The following PLEKHA5 variants were observed in gnomAD, a reference collection of about 807,000 sequenced individuals.
PLEKHA5 encodes pleckstrin homology domain-containing family A member 5.
PLEKHA5 carries 55 observed loss-of-function variants against 181.9 expected under a neutral mutation model. The ratio of observed to expected loss-of-function variants is 0.30; its 90% CI spans 0.24 to 0.38. PLEKHA5 has a LOEUF of 0.38. PLEKHA5 is among the 10% of genes least tolerant of loss of function. The pLI is 1.00. For synonymous variants in PLEKHA5, 535 were observed against 529.4 expected (o/e 1.01, Z -0.15); for missense variants, 1,432 against 1,549.5 (o/e 0.92, Z 1.27).
intron 2 of PLEKHA5, among the ~76,000 whole-genome samples, chr12:19,131,312 C>T (rs1033851689): frequency 1.3e-5 from 2 of 152,162 alleles, no homozygotes; most frequent in Non-Finnish European, 2.9e-5. Flanking sequence ...ACTGAAGTGA[C>T]TAATGTCTCC....
At chr12:19,168,258 G>C (rs2045013159) in intron 3 of PLEKHA5, among the ~76,000 whole-genome samples, 1 of 152,044 alleles carries the variant, frequency 6.6e-6, no homozygotes, top group Non-Finnish European at 1.5e-5. Flanking sequence ...TATTCTCTTT[G>C]GTGGACTTTA....
At chr12:19,288,329 A>C (rs1437209605) in intron 13 of PLEKHA5, among the ~76,000 whole-genome samples, 4 of 152,244 alleles carry the variant, frequency 2.6e-5, no homozygotes, top group Non-Finnish European at 5.9e-5. Context: ...GTTCGATCAA[A>C]GCAAGTATTT....
chr12:19,269,120 G>A (rs1046678228), intron 8 of PLEKHA5, among the ~76,000 whole-genome samples: 4 of 152,030 alleles, frequency 2.6e-5, no homozygotes, highest in African/African-American at 9.7e-5. Context: ...GGGTGTGGTG[G>A]CTCACACCTG....
At chr12:19,374,885 G>A (rs1240526978) in intron 31 of PLEKHA5, among the ~76,000 whole-genome samples, 1 of 152,008 alleles carries the variant, frequency 6.6e-6, no homozygotes, top group African/African-American at 2.4e-5. Flanking sequence ...AACCCAGGAG[G>A]CAGAGGTTGC....
At chr12:19,322,262 C>A in intron 18 of PLEKHA5, 48 bp from the exon 19 acceptor site, 1 of 1,236,408 alleles carries the variant, frequency 8.1e-7, no homozygotes, top group Non-Finnish European at 1.2e-6. Context: ...CCTCCAATTA[C>A]AGAAAAAATA....
chr12:19,215,235 A>G (rs1291365659), intron 3 of PLEKHA5, among the ~76,000 whole-genome samples: 2 of 152,178 alleles, frequency 1.3e-5, no homozygotes, highest in African/African-American at 4.8e-5. Flanking sequence ...CTTCTTTTGC[A>G]CTACTTGGAA....
intron 3 of PLEKHA5, among the ~76,000 whole-genome samples, chr12:19,136,893 C>A (rs999304014): frequency 6.6e-6 from 1 of 151,846 alleles, no homozygotes; most frequent in African/African-American, 2.4e-5. Flanking sequence ...CCAAACTTAC[C>A]AAAACTAGCG....
intron 3 of PLEKHA5, among the ~76,000 whole-genome samples, chr12:19,215,507 T>C (rs1039626647): frequency 6.6e-6 from 1 of 152,194 alleles, no homozygotes; most frequent in Non-Finnish European, 1.5e-5. Context: ...GTAGTTTGGA[T>C]AACAGCATCC....
intron 3 of PLEKHA5, among the ~76,000 whole-genome samples, chr12:19,213,203 C>T (rs1278464791): frequency 6.6e-6 from 1 of 151,990 alleles, no homozygotes; most frequent in African/African-American, 2.4e-5. Context: ...GGAACGATTT[C>T]TTCTGCCCAA....
At position 19,348,383 on chromosome 12, in the gene PLEKHA5, A is replaced by G. The variant is rs777642663; in HGVS notation, c.2899-16A>G. The G allele has an allele frequency of 6.4e-6, 10 of 1,560,988 alleles. No homozygotes were observed. Among genetic ancestry groups the G allele is most frequent in the Middle Eastern group, 1.7e-4 (1 of 5,972 alleles). On this transcript the variant is annotated splice_polypyrimidine_tract_variant and intron_variant, in intron 24 of 31. Coordinates refer to ENST00000429027, the MANE Select transcript of PLEKHA5 (RefSeq NM_001256470.2). Reference sequence around the variant, plus strand: ...TTTAGCAGTTTTTTAGGGTAATTACATGTCTTCCTTTCAAGGGTCCAGATT... The same window carrying G: ...TTTAGCAGTTTTTTAGGGTAATTACGTGTCTTCCTTTCAAGGGTCCAGATT...
At chr12:19,337,548 C>CAAAAA (rs1157232818) in intron 21 of PLEKHA5, among the ~76,000 whole-genome samples, 4 of 61,676 alleles carry the variant, frequency 6.5e-5, no homozygotes, top group Non-Finnish European at 1.0e-4. Context: ...GACTCTATCT[C>CAAAAA]AAAAAAAAAA....
At chr12:19,353,821 C>A in intron 25 of PLEKHA5, 63 bp from the exon 26 acceptor site, 1 of 787,372 alleles carries the variant, frequency 1.3e-6, no homozygotes, top group Non-Finnish European at 2.2e-6. Context: ...ATTAAGTAAG[C>A]TAAAAGAAAG....
intron 3 of PLEKHA5, among the ~76,000 whole-genome samples, chr12:19,139,819 T>C (rs1591783956): frequency 6.6e-6 from 1 of 152,234 alleles, no homozygotes; most frequent in East Asian, 1.9e-4. Flanking sequence ...ACTGGAAAGA[T>C]GAAGAATAAA....
chr12:19,161,032 T>G lies in PLEKHA5; in HGVS notation c.227+28582T>G, dbSNP rs564456207. On this transcript the variant is annotated intron_variant, in intron 3 of 31. Transcript: ENST00000429027. ...ATAGAAACACTAGTCTTTTAATCTT[T>G]TATTGAAATGTCCAACACTGTTTTG... Among the ~76,000 whole-genome samples the G allele has an allele frequency of 5.3e-5, 8 of 152,334 alleles. No individual in the cohort carries two copies. In the East Asian group the frequency reaches 1.5e-3, roughly 29 times the overall value.
chr12:19,247,316 CTCTTTT>C (rs1300459277), intron 3 of PLEKHA5, among the ~76,000 whole-genome samples: 1 of 152,178 alleles, frequency 6.6e-6, no homozygotes, highest in African/African-American at 2.4e-5. Context: ...CTTTAGCTTT[CTCTTTT>C]TATCTAAGCT....
At position 19,336,581 on chromosome 12, in the gene PLEKHA5, A is replaced by T. The variant is rs150172150; in HGVS notation, c.2515A>T (p.Met839Leu). The T allele has an allele frequency of 6.2e-7, 1 of 1,603,484 alleles. No individual in the cohort carries two copies. The highest frequency in any genetic ancestry group is 1.1e-5 in the South Asian group (1 of 90,594). Reference protein sequence around the residue: ...EYDVTVTRNQMQEQLDHLGEV... With the variant: ...EYDVTVTRNQLQEQLDHLGEV... ...CGATGTAACTGTTACCAGGAACCAGATGCAAGAGCAGCTGGATCACCTTGG... is the reference window on the plus strand; with the variant it reads ...CGATGTAACTGTTACCAGGAACCAGTTGCAAGAGCAGCTGGATCACCTTGG... Residue 839 changes from methionine to leucine, a missense_variant, in exon 21 of 32, where the codon ATG becomes TTG. Physicochemically the swap from Met to Leu is conservative, Grantham distance 15. This residue lies in a region of PLEKHA5 where 1,143 missense variants were observed against 1,168.4 expected (regional missense o/e 0.98). Transcript: ENST00000429027.
chr12:19,209,541 C>A (rs1228766478), intron 3 of PLEKHA5, among the ~76,000 whole-genome samples: 1 of 152,066 alleles, frequency 6.6e-6, no homozygotes, highest in Non-Finnish European at 1.5e-5. Context: ...ACTGTTGCAC[C>A]CAGATTAGCT....
intron 10 of PLEKHA5, among the ~76,000 whole-genome samples, chr12:19,271,863 G>C (rs374259136): frequency 6.6e-6 from 1 of 152,138 alleles, no homozygotes; most frequent in African/African-American, 2.4e-5. Context: ...CTTAGAGTCC[G>C]TTATCCTGTA....
At chr12:19,317,941 T>TTTTTG (rs2089486425) in intron 16 of PLEKHA5, among the ~76,000 whole-genome samples, 1 of 150,566 alleles carries the variant, frequency 6.6e-6, no homozygotes. Flanking sequence ...TTTTTTTTTT[T>TTTTTG]TTTTGGCTAA....
Sources: gnomAD v4.1 joint callset for allele counts (sites outside exome capture counted in the v4.1 genomes callset) on GRCh38, gnomAD v4.1.1 for gene constraint, gnomAD v4.1.1 regional missense constraint, MANE v1.5 for transcripts, NCBI Gene and HGNC (gene_info 2026-07-23, HGNC 2026-07-21) for gene names.